The following ANKRD36C variants were observed in gnomAD, a reference collection of about 807,000 sequenced individuals.
ANKRD36C encodes ankyrin repeat domain 36C, also known as ankyrin repeat domain-containing protein 36C.
A neutral mutation model predicts 276.4 loss-of-function variants in ANKRD36C; 61 were observed. The observed-to-expected ratio is 0.22, with a 90% CI of 0.18 to 0.27. The LOEUF is 0.27. Ranked by LOEUF, ANKRD36C falls within the 10% of genes least tolerant of loss-of-function variation. ANKRD36C has a pLI of 1.00. For synonymous variants in ANKRD36C, 483 were observed against 680.1 expected, an observed-to-expected ratio of 0.71 and a Z score of 4.51; for missense variants, 1,447 against 2,032.3, an observed-to-expected ratio of 0.71 and a Z score of 5.54.
Position 95,983,541 on chromosome 2 carries a change from T to C in ANKRD36C, c.487-1179A>G, listed in dbSNP as rs1678962807. On this transcript the variant is annotated intron_variant, in intron 3 of 66. Coordinates refer to ENST00000456556, the Ensembl canonical transcript of ANKRD36C. ...ATTAAAGCTCTAATAATGACTTATATGTATTATTTATAGCATAGTGAAAGC... is the reference window on the plus strand; with the variant it reads ...ATTAAAGCTCTAATAATGACTTATACGTATTATTTATAGCATAGTGAAAGC... Among the ~76,000 whole-genome samples, 4 of 151,948 alleles carry C rather than the reference T, an allele frequency of 2.6e-5. No homozygotes were observed. In the South Asian group the frequency reaches 6.2e-4, roughly 24 times the overall value.
In ANKRD36C at chr2:95,944,566, TTGGTGAAC is replaced by T. The variant is rs1245060109; in HGVS notation, c.1491+53_1491+60del. On this transcript the variant is annotated intron_variant, in intron 19 of 66. Transcript: ENST00000456556. The stretch of plus-strand genomic sequence containing the variant: ...AAGATCATTAACAGATAAGAGTGAG[TTGGTGAAC>T]AGGACTGGACTCTGATTATTCTATG... 18 of 1,445,960 alleles carry T rather than the reference TTGGTGAAC, an allele frequency of 1.2e-5. No individual in the cohort carries two copies. In the African/African-American group the frequency reaches 2.0e-4, roughly 16 times the overall value. The allele number at this position is 1,445,960 out of a possible 1,614,324, so 89.6% of individuals were successfully genotyped here.
intron 59 of ANKRD36C, among the ~76,000 whole-genome samples, chr2:95,872,496 C>A (rs1338486188): frequency 1.3e-5 from 2 of 152,100 alleles, no homozygotes; most frequent in Middle Eastern, 3.4e-3. Context: ...ATACCAGAAT[C>A]TCTGGGACAC....
chr2:95,961,750 G>T (rs1284704835), intron 8 of ANKRD36C, among the ~76,000 whole-genome samples: 1 of 151,992 alleles, frequency 6.6e-6, no homozygotes, highest in Non-Finnish European at 1.5e-5. Flanking sequence ...CCTGCTTCCA[G>T]TAGTTCCTGG....
At chr2:95,927,271 T>C (rs1677430869) in exon 28 of ANKRD36C, 2 of 1,610,046 alleles carry the variant, frequency 1.2e-6, no homozygotes, top group Admixed American at 3.3e-5. Flanking sequence ...ACAGAATCTT[T>C]CTCATCACTT....
chr2:95,976,392 T>C (rs932630705), intron 6 of ANKRD36C, among the ~76,000 whole-genome samples: 8 of 152,166 alleles, frequency 5.3e-5, no homozygotes, highest in Non-Finnish European at 1.0e-4. Flanking sequence ...TATGATTCCA[T>C]GTTGGAGAGA....
At chr2:95,937,922 AAG>A in intron 22 of ANKRD36C, among the ~76,000 whole-genome samples, 1 of 152,420 alleles carries the variant, frequency 6.6e-6, no homozygotes, top group African/African-American at 2.4e-5. Flanking sequence ...TATCAGCATG[AAG>A]AGACTTTAAT....
intron 6 of ANKRD36C, among the ~76,000 whole-genome samples, chr2:95,969,738 T>C (rs1678661811): frequency 6.6e-6 from 1 of 152,132 alleles, no homozygotes; most frequent in Non-Finnish European, 1.5e-5. Flanking sequence ...ACTTATCACA[T>C]AGCCATTTTA....
chr2:95,921,450 C>T (rs1677264657), intron 34 of ANKRD36C, among the ~76,000 whole-genome samples, 157 bp downstream of exon 34: 1 of 151,520 alleles, frequency 6.6e-6, no homozygotes, highest in Non-Finnish European at 1.5e-5. Flanking sequence ...TTAGCGTCAC[C>T]CAAGAATTTA....
intron 48 of ANKRD36C, 34 bp from the exon 69 acceptor site, chr2:95,888,154 T>C (rs1450689660): frequency 3.1e-6 from 5 of 1,607,358 alleles, no homozygotes; most frequent in Non-Finnish European, 4.2e-6. Context: ...ATCACTCATA[T>C]GTAAATATGA....
intron 3 of ANKRD36C, among the ~76,000 whole-genome samples, chr2:95,983,417 T>C (rs1336956085): frequency 6.6e-6 from 1 of 151,488 alleles, no homozygotes; most frequent in Middle Eastern, 3.2e-3. Flanking sequence ...ATAACTCCTT[T>C]AAAAATTTAT....
exon 8 of ANKRD36C, chr2:95,962,414 C>A (rs775860206): frequency 3.8e-6 from 6 of 1,571,860 alleles, no homozygotes; most frequent in Admixed American, 3.7e-5. Flanking sequence ...ATCTTCCTTG[C>A]CACTTGTAGC....
chr2:95,959,130 A>G (rs4907290), intron 10 of ANKRD36C, among the ~76,000 whole-genome samples: 91 of 152,282 alleles, frequency 6.0e-4, no homozygotes, highest in African/African-American at 1.1e-3. Context: ...AATCAATGTC[A>G]AAGCAGGTGA....
chr2:95,911,944 G>C (rs967823564), intron 42 of ANKRD36C, among the ~76,000 whole-genome samples: 2 of 151,486 alleles, frequency 1.3e-5, no homozygotes, highest in Non-Finnish European at 3.0e-5. Flanking sequence ...TTACACCCTT[G>C]ATGAAAAGAT....
chr2:95,934,579 G>A (rs528989627), intron 24 of ANKRD36C, among the ~76,000 whole-genome samples: 5 of 152,336 alleles, frequency 3.3e-5, no homozygotes, highest in African/African-American at 1.2e-4. Context: ...ACAGGGAGGG[G>A]AACATCACAC....
In ANKRD36C at chr2:95,879,075, G is replaced by GA. The variant is rs536949992; in HGVS notation, c.3469+1351dup. Among the ~76,000 whole-genome samples the GA allele has an allele frequency of 1.9e-3, 282 of 152,234 alleles. 3 individuals carry two copies. The highest frequency in any genetic ancestry group is 6.3e-3 in the African/African-American group (262 of 41,534). On this transcript the variant is annotated intron_variant, in intron 58 of 66. Coordinates refer to ENST00000456556, the Ensembl canonical transcript of ANKRD36C. Reference sequence around the variant, plus strand: ...GAATCAATCTAAATGTATATCAACAGAAAAATGGGTTCTAAAAATGTGATA... The same window carrying GA: ...GAATCAATCTAAATGTATATCAACAGAAAAAATGGGTTCTAAAAATGTGATA...
chr2:95,924,508 C>T (rs1236235881), intron 30 of ANKRD36C, among the ~76,000 whole-genome samples: 1 of 151,592 alleles, frequency 6.6e-6, no homozygotes, highest in Non-Finnish European at 1.5e-5. Flanking sequence ...ATACATTTAA[C>T]ATTATTTTTG....
At chr2:95,872,802 C>A (rs1310472848) in intron 59 of ANKRD36C, among the ~76,000 whole-genome samples, 1 of 152,006 alleles carries the variant, frequency 6.6e-6, no homozygotes, top group Non-Finnish European at 1.5e-5. Context: ...AGAGAAGAAT[C>A]AAATAGATGC....
exon 25 of ANKRD36C, chr2:95,929,256 T>C: frequency 6.3e-7 from 1 of 1,593,866 alleles, no homozygotes; most frequent in Middle Eastern, 2.2e-4. Flanking sequence ...GCTGGTTGTT[T>C]CTGAGAAGAC....
At chr2:95,914,712 C>T (rs1426480207) in intron 38 of ANKRD36C, among the ~76,000 whole-genome samples, 2 of 151,476 alleles carry the variant, frequency 1.3e-5, no homozygotes, top group Admixed American at 1.3e-4. Flanking sequence ...CACCATTATA[C>T]TACAAACATT....
Sources: gnomAD v4.1 joint callset for allele counts (sites outside exome capture counted in the v4.1 genomes callset) on GRCh38, gnomAD v4.1.1 for gene constraint, MANE v1.5 for transcripts, NCBI Gene and HGNC (gene_info 2026-07-23, HGNC 2026-07-21) for gene names.